The following EYS variants were observed in gnomAD, a reference collection of about 807,000 sequenced individuals.
EYS encodes the protein protein eyes shut homolog.
Under a neutral mutation model 282.1 loss-of-function variants are expected in EYS, and 250 were observed. The observed-to-expected ratio is 0.89, with a 90% CI of 0.80 to 0.98. The LOEUF is 0.98. Ranked by LOEUF, EYS falls within the 50% of genes least tolerant of loss-of-function variation. The probability of loss-of-function intolerance (pLI) is 0.00; values close to 1 mark genes in which losing one functional copy is unlikely to be tolerated. For synonymous variants in EYS, 1,355 were observed against 1,282.9 expected (o/e 1.06, Z -1.20); for missense variants, 4,016 against 3,709.0 (o/e 1.08, Z -2.15).
At chr6:63,989,905 T>C (rs1028965874) in intron 34 of EYS, among the ~76,000 whole-genome samples, 12 of 151,616 alleles carry the variant, frequency 7.9e-5, no homozygotes, top group African/African-American at 2.4e-4. Context: ...AAAAATTTGA[T>C]AAATATGAGT....
At chr6:65,265,168 T>C (rs1381736267) in intron 12 of EYS, among the ~76,000 whole-genome samples, 1 of 151,996 alleles carries the variant, frequency 6.6e-6, no homozygotes, top group East Asian at 1.9e-4. Flanking sequence ...GGTAATGAGA[T>C]CTTTTGTACC....
chr6:64,738,949 T>C (rs1476671616), intron 22 of EYS, among the ~76,000 whole-genome samples: 1 of 152,126 alleles, frequency 6.6e-6, no homozygotes, highest in Non-Finnish European at 1.5e-5. Flanking sequence ...ATTTTAACCA[T>C]GTTGGCCAGG....
chr6:65,281,035 C>CAAAAA (rs35633005), intron 12 of EYS, among the ~76,000 whole-genome samples: 2 of 101,878 alleles, frequency 2.0e-5, no homozygotes, highest in African/African-American at 4.3e-5. Context: ...GATGCCATCT[C>CAAAAA]AAAAAAAAAA....
intron 36 of EYS, among the ~76,000 whole-genome samples, chr6:63,850,061 G>A (rs1438128168): frequency 6.6e-6 from 1 of 152,030 alleles, no homozygotes; most frequent in Non-Finnish European, 1.5e-5. Flanking sequence ...TTGATCAAGT[G>A]GAAGAAAGGA....
At chr6:64,933,859 A>G (rs760784570) in intron 15 of EYS, among the ~76,000 whole-genome samples, 1 of 152,120 alleles carries the variant, frequency 6.6e-6, no homozygotes, top group Non-Finnish European at 1.5e-5. Flanking sequence ...GGAAACCATC[A>G]TTATCAGCAA....
chr6:63,975,442 G>C (rs1766788955), intron 35 of EYS, among the ~76,000 whole-genome samples: 1 of 151,862 alleles, frequency 6.6e-6, no homozygotes, highest in Non-Finnish European at 1.5e-5. Context: ...GGATGTTCTA[G>C]AAAAAAAGAA....
intron 31 of EYS, among the ~76,000 whole-genome samples, chr6:64,211,274 A>T (rs1163727494): frequency 6.6e-6 from 1 of 152,158 alleles, no homozygotes; most frequent in Non-Finnish European, 1.5e-5. Context: ...TAATTGGCAA[A>T]TGTAGACAAT....
At chr6:65,665,007 C>G (rs569387456) in intron 1 of EYS, among the ~76,000 whole-genome samples, 2 of 152,084 alleles carry the variant, frequency 1.3e-5, no homozygotes, top group East Asian at 1.9e-4. Context: ...TCCAGGCTAA[C>G]CTTTTCTGCA....
In EYS at chr6:64,606,641, CCT is replaced by C. The variant is rs530963063; in HGVS notation, c.3684+10775_3684+10776del. Among the ~76,000 whole-genome samples the C allele has an allele frequency of 3.9e-5, 6 of 152,068 alleles. No individual in the cohort carries two copies. The South Asian group carries it at 1.2e-3, about 32-fold the overall frequency. ...ACAATGTCTTCTGAACACTTTCAAG[CCT>C]CTCTCATTTTCTACAACATACTGTG... On this transcript the variant is annotated intron_variant, in intron 24 of 42. Coordinates refer to ENST00000503581, the MANE Select transcript of EYS (RefSeq NM_001142800.2).
chr6:63,902,879 G>A (rs999678241), intron 35 of EYS, among the ~76,000 whole-genome samples: 6 of 152,188 alleles, frequency 3.9e-5, no homozygotes, highest in African/African-American at 1.2e-4. Context: ...GCTTATGGAG[G>A]TTTGTTGGAA....
chr6:65,554,880 GT>G (rs1768738028), intron 2 of EYS, among the ~76,000 whole-genome samples: 1 of 152,038 alleles, frequency 6.6e-6, no homozygotes, highest in Admixed American at 6.6e-5. Flanking sequence ...GTTTTGTCTG[GT>G]ATCAGCCCTG....
At chr6:65,606,283 T>A (rs1162672276) in intron 2 of EYS, among the ~76,000 whole-genome samples, 2 of 151,764 alleles carry the variant, frequency 1.3e-5, no homozygotes, top group Admixed American at 6.6e-5. Context: ...AATGATCACA[T>A]CAAAGTAAAA....
chr6:64,432,229 ATTAC>A, intron 28 of EYS, among the ~76,000 whole-genome samples: 1 of 152,240 alleles, frequency 6.6e-6, no homozygotes, highest in Admixed American at 6.6e-5. Flanking sequence ...GTGTTTGTGA[ATTAC>A]TTACAAATTA....
chr6:64,001,214 T>C (rs1768080653), intron 33 of EYS, among the ~76,000 whole-genome samples: 2 of 152,216 alleles, frequency 1.3e-5, no homozygotes, highest in Non-Finnish European at 1.5e-5. Context: ...AGCTCATAAA[T>C]GGTTAGTGAG....
chr6:64,144,159 G>A (rs953953313), intron 31 of EYS, among the ~76,000 whole-genome samples: 3 of 152,090 alleles, frequency 2.0e-5, no homozygotes, highest in Non-Finnish European at 4.4e-5. Context: ...CTGTCAGGCT[G>A]GTACATCTTT....
At chr6:64,018,714 G>T (rs576881913) in intron 33 of EYS, among the ~76,000 whole-genome samples, 99 of 143,152 alleles carry the variant, frequency 6.9e-4, no homozygotes, top group African/African-American at 2.5e-3. Context: ...GAGATGAAGA[G>T]ATCATCCTGG....
intron 8 of EYS, among the ~76,000 whole-genome samples, chr6:65,366,285 G>C (rs910831807): frequency 1.3e-5 from 2 of 151,716 alleles, no homozygotes; most frequent in African/African-American, 4.8e-5. Context: ...TCTGCTAAAC[G>C]TGCCAACCAT....
At chr6:65,155,913 G>A (rs369313125) in intron 12 of EYS, among the ~76,000 whole-genome samples, 1 of 151,368 alleles carries the variant, frequency 6.6e-6, no homozygotes, top group African/African-American at 2.4e-5. Flanking sequence ...ACATGCCAAG[G>A]CATTTAATAA....
At chr6:65,263,660 T>C (rs1041349390) in intron 12 of EYS, among the ~76,000 whole-genome samples, 1 of 151,294 alleles carries the variant, frequency 6.6e-6, no homozygotes, top group Middle Eastern at 3.4e-3. Flanking sequence ...GATTTACAAA[T>C]AAGGCATAGA....
Sources: gnomAD v4.1 joint callset for allele counts (sites outside exome capture counted in the v4.1 genomes callset) on GRCh38, gnomAD v4.1.1 for gene constraint, MANE v1.5 for transcripts, NCBI Gene and HGNC (gene_info 2026-07-23, HGNC 2026-07-21) for gene names.